Variants in SMURF1 observed in about 807,000 individuals in gnomAD.
SMURF1 encodes the protein SMAD specific E3 ubiquitin protein ligase 1.
SMURF1 carries 44 observed loss-of-function variants against 98.0 expected under a neutral mutation model. The ratio of observed to expected loss-of-function variants is 0.45; its 90% CI spans 0.35 to 0.58. SMURF1 has a LOEUF of 0.58. Among genes scored for constraint, SMURF1 ranks in the 20% least tolerant of loss-of-function variants. The pLI is 0.00. For missense variants in SMURF1, 687 were observed against 938.4 expected (o/e 0.73, Z 3.50); for synonymous variants, 396 against 374.9 (o/e 1.06, Z -0.65).
chr7:99,049,379 A>C lies in SMURF1; in HGVS notation c.953+184T>G. On this transcript the variant is annotated intron_variant, in intron 9 of 17. Transcript: ENST00000361368. ...AAGGGTAGCAACAACATAGGGCTTC[A>C]GTGCTCTTCACAGCTAATTTAAGAG... The C allele has an allele frequency of 4.8e-6, 3 of 627,254 alleles. No individual in the cohort carries two copies. The Admixed American group carries it at 9.3e-5, about 19-fold the overall frequency. 38.9% of individuals were successfully genotyped at this position (627,254 alleles called of 1,614,324 possible).
Position 99,038,474 on chromosome 7 carries a change from G to A in SMURF1, c.1602C>T (p.Asn534=), listed in dbSNP as rs775370305. The A allele has an allele frequency of 1.6e-5, 26 of 1,614,140 alleles. No homozygotes were observed. Among genetic ancestry groups the A allele is most frequent in the Admixed American group, 6.7e-5 (4 of 60,014 alleles). The change falls in exon 14 of 18, where the codon AAC becomes AAT. Residue 534 remains asparagine (N), a synonymous_variant. Transcript: ENST00000361368. ...CATGCTGCAGGATCCGCCCGAAGGC[G>A]TTGTGTTCCACGCAGAAGGTGTGGT... ...VLDHTFCVEH[N]AFGRILQHEL...
At chr7:99,045,124 G>T (rs1227433503) in intron 11 of SMURF1, among the ~76,000 whole-genome samples, 1 of 151,752 alleles carries the variant, frequency 6.6e-6, no homozygotes, top group East Asian at 1.9e-4. Flanking sequence ...GGGCAACAGA[G>T]CAAGACCCCG....
At chr7:99,136,468 TTGTTTA>T (rs1344724806) in intron 1 of SMURF1, among the ~76,000 whole-genome samples, 1 of 152,120 alleles carries the variant, frequency 6.6e-6, no homozygotes, top group African/African-American at 2.4e-5. Flanking sequence ...AAGTTTTTTA[TTGTTTA>T]TAAGTGTTTT....
At chr7:99,075,710 A>G (rs1057120227) in intron 1 of SMURF1, among the ~76,000 whole-genome samples, 2 of 151,990 alleles carry the variant, frequency 1.3e-5, no homozygotes, top group Non-Finnish European at 2.9e-5. Flanking sequence ...ACACAGGTCA[A>G]TTTTTGTGTA....
At chr7:99,034,788 AG>A (rs1358441684) in intron 16 of SMURF1, among the ~76,000 whole-genome samples, 1 of 152,186 alleles carries the variant, frequency 6.6e-6, no homozygotes, top group East Asian at 1.9e-4. Context: ...GAAAAGATGC[AG>A]GTGCCCTGAT....
At chr7:99,080,500 T>A (rs1436912040) in intron 1 of SMURF1, among the ~76,000 whole-genome samples, 2 of 152,168 alleles carry the variant, frequency 1.3e-5, no homozygotes, top group African/African-American at 2.4e-5. Context: ...GGTTTCTCCA[T>A]GTTGGTCAGG....
At chr7:99,133,530 G>A (rs1454497635) in intron 1 of SMURF1, among the ~76,000 whole-genome samples, 1 of 152,150 alleles carries the variant, frequency 6.6e-6, no homozygotes, top group Non-Finnish European at 1.5e-5. Flanking sequence ...TGGCAAAGGA[G>A]CACCTGGAAC....
rs1011797422 is a variant in SMURF1, at chr7:99,028,961, G to A, written c.*1623C>T. 1 of 152,362 alleles carries A rather than the reference G, an allele frequency of 6.6e-6. No homozygotes were observed. Among genetic ancestry groups the A allele is most frequent in the African/African-American group, 2.4e-5 (1 of 41,570 alleles). The allele number at this position is 152,362 out of a possible 1,614,324, so 9.4% of individuals were successfully genotyped here. On this transcript the variant is annotated 3_prime_UTR_variant, in exon 18 of 18. Coordinates refer to ENST00000361368, the MANE Select transcript of SMURF1 (RefSeq NM_181349.3). ...GAGACACAGGATGTGCCCACCTGTG[G>A]GGGCAAGGCAGAACTTTTCAAAGAG... is the stretch of plus-strand genomic sequence containing the variant.
At chr7:99,086,970 A>G (rs566674180) in intron 1 of SMURF1, among the ~76,000 whole-genome samples, 2 of 152,232 alleles carry the variant, frequency 1.3e-5, no homozygotes, top group Non-Finnish European at 2.9e-5. Flanking sequence ...TGATGAAACT[A>G]TTCTGAAATT....
At chr7:99,128,613 C>A (rs1215015593) in intron 1 of SMURF1, among the ~76,000 whole-genome samples, 2 of 152,190 alleles carry the variant, frequency 1.3e-5, no homozygotes, top group Non-Finnish European at 2.9e-5. Flanking sequence ...AATACCCTGT[C>A]CACATTTAAA....
chr7:99,073,873 A>C (rs1481880021), intron 1 of SMURF1, among the ~76,000 whole-genome samples: 1 of 152,192 alleles, frequency 6.6e-6, no homozygotes, highest in African/African-American at 2.4e-5. Flanking sequence ...ATAATAAATA[A>C]TAGTAGCACA....
At chr7:99,036,877 C>T (rs1795166252) in intron 15 of SMURF1, among the ~76,000 whole-genome samples, 190 bp downstream of exon 15, 1 of 152,180 alleles carries the variant, frequency 6.6e-6, no homozygotes, top group Non-Finnish European at 1.5e-5. Context: ...AGACATCTCG[C>T]CGGTTACTAA....
At chr7:99,075,282 G>T (rs1796426208) in intron 1 of SMURF1, among the ~76,000 whole-genome samples, 1 of 152,046 alleles carries the variant, frequency 6.6e-6, no homozygotes, top group African/African-American at 2.4e-5. Flanking sequence ...ACCAAGCCTG[G>T]CTCATTTTGT....
chr7:99,055,518 G>C (rs1795857205), intron 5 of SMURF1, among the ~76,000 whole-genome samples: 1 of 151,608 alleles, frequency 6.6e-6, no homozygotes. Flanking sequence ...AGTTTTTTTG[G>C]GGGGGATTAA....
intron 12 of SMURF1, among the ~76,000 whole-genome samples, chr7:99,041,453 A>C (rs1390041616): frequency 6.6e-6 from 1 of 152,226 alleles, no homozygotes; most frequent in Admixed American, 6.5e-5. Context: ...GTCTTAACTC[A>C]GGAACCACAC....
rs190685140 is a variant in SMURF1, at chr7:99,032,311, A to G, written c.2096+726T>C. 7.9e-5 allele frequency among the ~76,000 whole-genome samples: 12 copies of G among 152,274 alleles called. No individual in the cohort carries two copies. In the East Asian group the frequency reaches 1.9e-3, roughly 24 times the overall value. Reference sequence around the variant, plus strand: ...ACTTGTCCCATCTGACACAAGCACTACTGCCAGTCATTGAGAATTGGCATA... The same window carrying G: ...ACTTGTCCCATCTGACACAAGCACTGCTGCCAGTCATTGAGAATTGGCATA... On this transcript the variant is annotated intron_variant, in intron 17 of 17. Coordinates refer to ENST00000361368, the MANE Select transcript of SMURF1 (RefSeq NM_181349.3).
intron 10 of SMURF1, among the ~76,000 whole-genome samples, chr7:99,047,226 GAGA>G (rs1795612561): frequency 6.6e-6 from 1 of 152,214 alleles, no homozygotes. Context: ...GAGCTGCCCT[GAGA>G]AGGAGAGCCC....
intron 16 of SMURF1, among the ~76,000 whole-genome samples, chr7:99,035,033 G>A (rs947822190): frequency 5.9e-5 from 9 of 152,168 alleles, no homozygotes; most frequent in African/African-American, 1.2e-4. Flanking sequence ...GGCACCTTTC[G>A]CACAGAATTC....
Position 99,049,407 on chromosome 7 carries a change from T to C in SMURF1, c.953+156A>G, listed in dbSNP as rs1215517237. The C allele has an allele frequency of 6.3e-6, 5 of 787,424 alleles. No homozygotes were observed. The Admixed American group carries it at 1.4e-4, about 22-fold the overall frequency. The allele number at this position is 787,424 out of a possible 1,614,324, so 48.8% of individuals were successfully genotyped here. A position where few individuals can be genotyped will look rare whatever the true frequency, so the allele number is the denominator to read the frequency against. ...GCTCTTCACAGCTAATTTAAGAGTTTAAAATATGCAATTATCCGCCAGATA... is the reference window on the plus strand; with the variant it reads ...GCTCTTCACAGCTAATTTAAGAGTTCAAAATATGCAATTATCCGCCAGATA... On this transcript the variant is annotated intron_variant, in intron 9 of 17. Coordinates refer to ENST00000361368, the MANE Select transcript of SMURF1 (RefSeq NM_181349.3).
Sources: gnomAD v4.1 joint callset for allele counts (sites outside exome capture counted in the v4.1 genomes callset) on GRCh38, gnomAD v4.1.1 for gene constraint, MANE v1.5 for transcripts, NCBI Gene and HGNC (gene_info 2026-07-23, HGNC 2026-07-21) for gene names.